Variants in NEK1 observed in about 807,000 individuals in gnomAD.
NEK1 encodes the protein NIMA related kinase 1, also known as serine/threonine-protein kinase Nek1.
In NEK1, 137 loss-of-function variants were observed where a neutral mutation model predicts 182.1. The observed-to-expected ratio is 0.75, with a 90% CI of 0.65 to 0.87. The LOEUF (loss-of-function observed/expected upper bound fraction) is 0.87, where lower values mean the gene tolerates loss of function less well. Ranked by LOEUF, NEK1 falls within the 40% of genes least tolerant of loss-of-function variation. NEK1 has a pLI of 0.00. For missense variants in NEK1, 1,391 were observed against 1,494.4 expected (o/e 0.93, Z 1.14); for synonymous variants, 513 against 492.2 (o/e 1.04, Z -0.56).
chr4:169,536,796 G>T (rs1185474874), intron 19 of NEK1, among the ~76,000 whole-genome samples: 1 of 152,134 alleles, frequency 6.6e-6, no homozygotes, highest in Non-Finnish European at 1.5e-5. Context: ...AATTCCAGCT[G>T]CTATTAACAT....
intron 11 of NEK1, among the ~76,000 whole-genome samples, chr4:169,579,120 T>A (rs1466037092): frequency 6.6e-6 from 1 of 152,186 alleles, no homozygotes; most frequent in Admixed American, 6.5e-5. Context: ...AAGAAAGAAT[T>A]ACTTATCTGA....
At chr4:169,593,001 G>A (rs1768797427) in intron 5 of NEK1, among the ~76,000 whole-genome samples, 1 of 152,154 alleles carries the variant, frequency 6.6e-6, no homozygotes, top group African/African-American at 2.4e-5. Context: ...TTTACCAGTA[G>A]AAATGGAACA....
chr4:169,561,343 A>T, intron 16 of NEK1, 137 bp downstream of exon 16: 1 of 723,258 alleles, frequency 1.4e-6, no homozygotes, highest in Non-Finnish European at 2.4e-6. Context: ...TATTCATAAT[A>T]AATGTTAAAG....
In NEK1 at chr4:169,507,035, A is replaced by G. The variant is rs758916415; in HGVS notation, c.2007+2T>C. 2.5e-6 allele frequency: 4 copies of G among 1,599,370 alleles called. No homozygotes were observed. In the South Asian group the frequency reaches 4.5e-5, roughly 18 times the overall value. On this transcript the variant is annotated splice_donor_variant, in intron 23 of 35. Transcript: ENST00000507142. LOFTEE classifies it high-confidence loss of function. ...GGATTAAGAATATGAGCTAAATCTT[A>G]CATGCTCTTCCCACACTTTTTTTTC... is the stretch of plus-strand genomic sequence containing the variant.
chr4:169,424,931 A>C, intron 30 of NEK1, 131 bp from the exon 31 acceptor site: 1 of 846,170 alleles, frequency 1.2e-6, no homozygotes, highest in Non-Finnish European at 1.8e-6. Context: ...AAATCAAAAT[A>C]TGTGTGTCAG....
intron 12 of NEK1, 124 bp from the exon 13 acceptor site, chr4:169,562,320 A>C: frequency 1.7e-6 from 1 of 588,884 alleles, no homozygotes. Flanking sequence ...TCTCTTCCAA[A>C]TTACATTATC....
intron 12 of NEK1, among the ~76,000 whole-genome samples, chr4:169,570,587 C>T (rs961644591): frequency 2.0e-5 from 3 of 151,340 alleles, no homozygotes; most frequent in African/African-American, 7.3e-5. Context: ...CCAGCCGCCC[C>T]GTCCAGGAGG....
In NEK1 at chr4:169,589,526, AGG is replaced by A. The variant is rs1299651380; in HGVS notation, c.397-14_397-13del. On this transcript the variant is annotated splice_polypyrimidine_tract_variant and intron_variant, in intron 6 of 35. Coordinates refer to ENST00000507142, the MANE Select transcript of NEK1 (RefSeq NM_001199397.3). The stretch of plus-strand genomic sequence containing the variant: ...GTTAAAAATATGTTCTGTAAAAGAC[AGG>A]AAAAAAAAAAACCCTAGAAATATTG... 3 of 1,406,868 alleles carry A rather than the reference AGG, an allele frequency of 2.1e-6. No homozygotes were observed. Among genetic ancestry groups the A allele is most frequent in the Admixed American group, 2.4e-5 (1 of 41,456 alleles). The allele number at this position is 1,406,868 out of a possible 1,614,324, so 87.1% of individuals were successfully genotyped here.
intron 9 of NEK1, 88 bp downstream of exon 9, chr4:169,587,471 T>G: frequency 1.3e-6 from 1 of 749,658 alleles, no homozygotes; most frequent in Non-Finnish European, 2.1e-6. Flanking sequence ...GAGGGTTACC[T>G]GAAAGATAAT....
intron 19 of NEK1, among the ~76,000 whole-genome samples, chr4:169,530,150 G>A (rs954650371): frequency 1.2e-4 from 18 of 152,120 alleles, no homozygotes; most frequent in Admixed American, 4.6e-4. Context: ...ACAAACTGTT[G>A]TACATCCATT....
At chr4:169,537,653 T>C (rs192522769) in intron 19 of NEK1, among the ~76,000 whole-genome samples, 156 bp downstream of exon 19, 2 of 152,290 alleles carry the variant, frequency 1.3e-5, no homozygotes, top group East Asian at 3.9e-4. Context: ...GATATCACAA[T>C]TTTATACTCT....
chr4:169,599,604 TCTG>T (rs974686024), intron 4 of NEK1, among the ~76,000 whole-genome samples: 9 of 152,358 alleles, frequency 5.9e-5, no homozygotes, highest in African/African-American at 2.2e-4. Context: ...CCATTAATTC[TCTG>T]CTTTGTTTTA....
chr4:169,582,347 T>A (rs1365115448), intron 10 of NEK1, among the ~76,000 whole-genome samples: 1 of 152,156 alleles, frequency 6.6e-6, no homozygotes, highest in African/African-American at 2.4e-5. Context: ...TTAGTAAACA[T>A]GCAAACTGTC....
intron 5 of NEK1, among the ~76,000 whole-genome samples, chr4:169,596,647 C>G (rs936992032): frequency 1.3e-5 from 2 of 152,152 alleles, no homozygotes; most frequent in African/African-American, 2.4e-5. Context: ...GCTGGAGAAT[C>G]ATCTGTTTCA....
rs767808092 is a variant in NEK1, at chr4:169,394,403, T to C, written c.*107A>G. 5.9e-4 allele frequency: 410 copies of C among 700,808 alleles called. 1 individual carries two copies. The highest frequency in any genetic ancestry group is 8.9e-4 in the Non-Finnish European group (373 of 417,726). 43.4% of individuals were successfully genotyped at this position (700,808 alleles called of 1,614,324 possible). ...GCAATAAGAAAGTCCATCTTAAATC[T>C]GATTTTTTAAATAAATAATTGCTGT... is the stretch of plus-strand genomic sequence containing the variant. On this transcript the variant is annotated 3_prime_UTR_variant, in exon 36 of 36. Coordinates refer to ENST00000507142, the MANE Select transcript of NEK1 (RefSeq NM_001199397.3).
intron 28 of NEK1, 80 bp from the exon 29 acceptor site, chr4:169,433,745 T>C: frequency 7.1e-7 from 1 of 1,399,962 alleles, no homozygotes; most frequent in South Asian, 1.3e-5. Context: ...CTATAAATTA[T>C]TGCTACCTAG....
At position 169,405,632 on chromosome 4, in the gene NEK1, CTTAT is replaced by C. The variant is rs539816307; in HGVS notation, c.3374+960_3374+963del. ...CTATCATCATGCCAGTGCACTCCAG[CTTAT>C]TTATTTTTCATTTTTGAGACAGGGT... On this transcript the variant is annotated intron_variant, in intron 32 of 35. Transcript: ENST00000507142. 3.6e-3 allele frequency among the ~76,000 whole-genome samples: 546 copies of C among 152,222 alleles called. 1 individual carries two copies. Among genetic ancestry groups the C allele is most frequent in the Non-Finnish European group, 6.4e-3 (434 of 67,990 alleles).
intron 12 of NEK1, among the ~76,000 whole-genome samples, chr4:169,572,221 G>A (rs1002005166): frequency 1.3e-5 from 2 of 152,198 alleles, no homozygotes; most frequent in African/African-American, 4.8e-5. Context: ...CTGGTGGAAA[G>A]TGAGGGTGGC....
At chr4:169,588,247 T>C (rs560517377) in intron 8 of NEK1, among the ~76,000 whole-genome samples, 139 of 152,242 alleles carry the variant, frequency 9.1e-4, no homozygotes, top group Non-Finnish European at 1.8e-3. Flanking sequence ...TTTGGTTTCC[T>C]TATAAGAAGA....
Sources: allele counts gnomAD v4.1 joint callset (sites outside exome capture counted in the v4.1 genomes callset), GRCh38; gene constraint gnomAD v4.1.1; transcripts MANE v1.5; gene names NCBI Gene and HGNC (gene_info 2026-07-23, HGNC 2026-07-21).